ERCC6: variants seen among roughly 807,000 people sequenced by gnomAD.
The protein encoded by ERCC6 is DNA excision repair protein ERCC-6.
A neutral mutation model predicts 158.7 loss-of-function variants in ERCC6; 116 were observed. The observed-to-expected ratio is 0.73, with a 90% confidence interval of 0.63 to 0.85. The LOEUF is 0.85. Ranked by LOEUF, ERCC6 falls within the 40% of genes least tolerant of loss-of-function variation. The probability of loss-of-function intolerance (pLI) is 0.00; values close to 1 mark genes in which losing one functional copy is unlikely to be tolerated. For synonymous variants in ERCC6, 678 were observed against 659.3 expected (o/e 1.03, Z -0.43); for missense variants, 1,698 against 1,799.4 (o/e 0.94, Z 1.02).
Position 49,482,803 on chromosome 10 carries a change from G to A in ERCC6, c.2053C>T (p.Leu685=). 1.9e-6 allele frequency: 3 copies of A among 1,614,064 alleles called. No homozygotes were observed. Among genetic ancestry groups the A allele is most frequent in the Non-Finnish European group, 2.5e-6 (3 of 1,180,014 alleles). ...AAGATGAAGTCAAAGAGCGACCACA[G>A]CTCTCGGAGGTTATTTTGCATCGGT... ...GSPMQNNLRE[L]WSLFDFIFPG... is the part of the protein sequence containing the mutation. Residue 685 remains leucine (L), a synonymous_variant, in exon 10 of 21, where the codon CTG becomes TTG. Coordinates refer to ENST00000355832, the MANE Select transcript of ERCC6 (RefSeq NM_000124.4).
Position 49,460,062 on chromosome 10 carries a change from T to C in ERCC6, c.4062+311A>G, listed in dbSNP as rs1051485769. ...TTTTATTTCAGAGGGTTGTGGTCTCTGGAGCTGGCACTTTCCCTCTAGACA... is the reference window on the plus strand; with the variant it reads ...TTTTATTTCAGAGGGTTGTGGTCTCCGGAGCTGGCACTTTCCCTCTAGACA... On this transcript the variant is annotated intron_variant, in intron 20 of 20. Coordinates refer to ENST00000355832, the MANE Select transcript of ERCC6 (RefSeq NM_000124.4). 2.0e-5 allele frequency: 9 copies of C among 441,486 alleles called. No homozygotes were observed. The Admixed American group carries it at 2.1e-4, about 10-fold the overall frequency. 27.3% of individuals were successfully genotyped at this position (441,486 alleles called of 1,614,324 possible).
At chr10:49,505,037 T>C (rs1005545002) in intron 6 of ERCC6, 1 of 152,122 alleles carries the variant, frequency 6.6e-6, no homozygotes, top group Admixed American at 6.6e-5. Flanking sequence ...AACTTAATCA[T>C]CTCGAACAAA....
chr10:49,452,477 C>G (rs754818778), downstream of ERCC6, among the ~76,000 whole-genome samples: 6 of 151,966 alleles, frequency 3.9e-5, no homozygotes, highest in Non-Finnish European at 7.4e-5. Context: ...TCCTTTTAAA[C>G]GTATTGAAGT....
At chr10:49,449,744 G>A (rs572353929), downstream of ERCC6, among the ~76,000 whole-genome samples, 4 of 151,534 alleles carry the variant, frequency 2.6e-5, no homozygotes, top group African/African-American at 9.7e-5. Context: ...TAGAGACAGG[G>A]TTTCACCATA....
intron 5 of ERCC6, among the ~76,000 whole-genome samples, chr10:49,512,933 G>C (rs1172517130): frequency 6.6e-6 from 1 of 152,190 alleles, no homozygotes; most frequent in Non-Finnish European, 1.5e-5. Context: ...AATATCAATT[G>C]TTAAACTGCC....
chr10:49,483,928 T>A (rs547985511), intron 8 of ERCC6, among the ~76,000 whole-genome samples: 1 of 151,870 alleles, frequency 6.6e-6, no homozygotes, highest in Non-Finnish European at 1.5e-5. Context: ...TCTCTAACAA[T>A]GTATAACAAG....
chr10:49,527,471 T>C (rs760764489), intron 4 of ERCC6, among the ~76,000 whole-genome samples: 13 of 152,142 alleles, frequency 8.5e-5, no homozygotes, highest in Admixed American at 2.0e-4. Context: ...CGTCAGGAGT[T>C]CGAGACCAGC....
intron 20 of ERCC6, 63 bp downstream of exon 20, chr10:49,460,310 A>G (rs1850554600): frequency 8.4e-7 from 1 of 1,194,230 alleles, no homozygotes; most frequent in Non-Finnish European, 1.3e-6. Context: ...AATCAGGTGA[A>G]ATTTTCACAG....
intron 5 of ERCC6, among the ~76,000 whole-genome samples, chr10:49,522,689 A>G (rs1159643564): frequency 6.6e-6 from 1 of 152,236 alleles, no homozygotes; most frequent in Non-Finnish European, 1.5e-5. Flanking sequence ...ATATTGCTCC[A>G]TTTATAATCA....
intron 12 of ERCC6, among the ~76,000 whole-genome samples, chr10:49,475,119 C>T (rs1850852998): frequency 6.6e-6 from 1 of 152,208 alleles, no homozygotes; most frequent in Admixed American, 6.5e-5. Flanking sequence ...CTGTCCAATG[C>T]AGTAGTCACT....
rs3793787 is a variant in ERCC6 at position 49,525,281 on chromosome 10, A to G, written c.653-504T>C. On this transcript the variant is annotated intron_variant, in intron 4 of 20. Transcript: ENST00000355832. Reference sequence around the variant, plus strand: ...TATGCTGCCCAGCATGGCAGTTACCAGTCACCTGCAGCTATTTAAATTTAA... The same window carrying G: ...TATGCTGCCCAGCATGGCAGTTACCGGTCACCTGCAGCTATTTAAATTTAA... 2.3e-3 allele frequency: 361 copies of G among 159,992 alleles called. 5 individuals carry two copies. The East Asian group carries it at 0.033, about 15-fold the overall frequency. 9.9% of individuals were successfully genotyped at this position (159,992 alleles called of 1,614,324 possible). A position where few individuals can be genotyped will look rare whatever the true frequency, so the allele number is the denominator to read the frequency against.
At chr10:49,538,691 G>A (rs113258955) in intron 1 of ERCC6, among the ~76,000 whole-genome samples, 41 of 152,286 alleles carry the variant, frequency 2.7e-4, no homozygotes, top group African/African-American at 9.4e-4. Context: ...TGCGCGCAGG[G>A]GGCCTTATAC....
chr10:49,528,738 G>A (rs4253039), intron 3 of ERCC6, among the ~76,000 whole-genome samples: 2 of 152,156 alleles, frequency 1.3e-5, no homozygotes, highest in African/African-American at 4.8e-5. Context: ...ATTCCCAGCA[G>A]ACAGGCATGC....
intron 8 of ERCC6, among the ~76,000 whole-genome samples, chr10:49,492,901 A>G (rs548354600): frequency 2.6e-5 from 4 of 152,326 alleles, no homozygotes; most frequent in Admixed American, 2.6e-4. Context: ...CATTGTCACA[A>G]CACCACCACA....
intron 4 of ERCC6, among the ~76,000 whole-genome samples, chr10:49,526,151 A>C (rs953815392): frequency 4.6e-5 from 4 of 86,214 alleles, no homozygotes; most frequent in South Asian, 4.0e-4. Flanking sequence ...ATATATATAT[A>C]TATATATATA....
intron 5 of ERCC6, among the ~76,000 whole-genome samples, chr10:49,506,663 A>AAC (rs1239828022): frequency 1.3e-5 from 2 of 152,120 alleles, no homozygotes; most frequent in East Asian, 3.9e-4. Context: ...AAATAAGGTG[A>AAC]ACACTTATAT....
At chr10:49,504,542 G>C (rs1361312371) in intron 6 of ERCC6, 2 of 152,114 alleles carry the variant, frequency 1.3e-5, no homozygotes, top group Non-Finnish European at 2.9e-5. Flanking sequence ...CAAATACACA[G>C]AAGTATCCTG....
chr10:49,510,154 G>C (rs1851509096), intron 5 of ERCC6, among the ~76,000 whole-genome samples: 1 of 152,094 alleles, frequency 6.6e-6, no homozygotes, highest in Non-Finnish European at 1.5e-5. Flanking sequence ...AAGCAACTCA[G>C]ACCCAGCACA....
intron 10 of ERCC6, among the ~76,000 whole-genome samples, chr10:49,478,738 C>T (rs540196710): frequency 6.6e-6 from 1 of 152,216 alleles, no homozygotes; most frequent in South Asian, 2.1e-4. Context: ...TAATTTTGTG[C>T]CTTATTTCTC....
Sources: gnomAD v4.1 joint callset for allele counts (sites outside exome capture counted in the v4.1 genomes callset) on GRCh38, gnomAD v4.1.1 for gene constraint, MANE v1.5 for transcripts, NCBI Gene and HGNC (gene_info 2026-07-23, HGNC 2026-07-21) for gene names.